CTNNA3: variants seen among roughly 807,000 people sequenced by gnomAD.
The protein encoded by CTNNA3 is catenin alpha-3.
CTNNA3 carries 76 observed loss-of-function variants against 95.7 expected under a neutral mutation model. The observed-to-expected ratio is 0.79, with a 90% CI of 0.66 to 0.96. CTNNA3 has a LOEUF of 0.96. Ranked by LOEUF, CTNNA3 falls within the 40% of genes least tolerant of loss-of-function variation. The pLI, the probability that CTNNA3 is intolerant of heterozygous loss-of-function variation, is 0.00. For missense variants in CTNNA3, 1,191 were observed against 1,089.8 expected, an observed-to-expected ratio of 1.09 and a Z score of -1.31; for synonymous variants, 431 against 374.4, an observed-to-expected ratio of 1.15 and a Z score of -1.74.
chr10:67,046,826 C>T (rs1318715732), intron 7 of CTNNA3, among the ~76,000 whole-genome samples: 3 of 152,120 alleles, frequency 2.0e-5, no homozygotes, highest in Non-Finnish European at 2.9e-5. Context: ...ATAATCGAAG[C>T]TTTCAACAGG....
At chr10:67,027,480 G>C (rs1309643191) in intron 7 of CTNNA3, among the ~76,000 whole-genome samples, 3 of 143,154 alleles carry the variant, frequency 2.1e-5, no homozygotes, top group Admixed American at 7.4e-5. Flanking sequence ...TGTCACCCAG[G>C]CTGGAGTGCA....
In CTNNA3 at chr10:67,675,886, T is replaced by C. The variant is rs73271914; in HGVS notation, c.-6+20114A>G. On this transcript the variant is annotated intron_variant, in intron 1 of 17. Coordinates refer to ENST00000433211, the MANE Select transcript of CTNNA3 (RefSeq NM_013266.4). ...TTTTGCATTAATGTAATAATTTCAG[T>C]TTTTTACTTTATGGCTATGTTTTGG... Among the ~76,000 whole-genome samples, 462 of 152,258 alleles carry C rather than the reference T, an allele frequency of 3.0e-3. 1 individual carries two copies. Among genetic ancestry groups the C allele is most frequent in the African/African-American group, 8.3e-3 (345 of 41,568 alleles).
chr10:66,001,157 A>AT lies in CTNNA3; in HGVS notation c.2160-12361dup, dbSNP rs1273001052. Among the ~76,000 whole-genome samples, 1,111 of 152,134 alleles carry AT rather than the reference A, an allele frequency of 7.3e-3. 19 individuals carry two copies. Among genetic ancestry groups the AT allele is most frequent in the African/African-American group, 0.025 (1,058 of 41,502 alleles). On this transcript the variant is annotated intron_variant, in intron 15 of 17. Transcript: ENST00000433211. ...TATATATATATACTACATTGCATAG[A>AT]TTTCGGGGGTCATGACAAGTGATTG...
At position 66,691,096 on chromosome 10, in the gene CTNNA3, A is replaced by G. The variant is rs371264575; in HGVS notation, c.1282-69312T>C. On this transcript the variant is annotated intron_variant, in intron 9 of 17. Coordinates refer to ENST00000433211, the MANE Select transcript of CTNNA3 (RefSeq NM_013266.4). ...CAGGTTCATCTCACTAGGGAGTGCC[A>G]GACAGTGGACGCAGGACAGTGGGTG... 2.6e-5 allele frequency among the ~76,000 whole-genome samples: 4 copies of G among 152,278 alleles called. No individual in the cohort carries two copies. In the East Asian group the frequency reaches 5.8e-4, roughly 22 times the overall value.
chr10:67,417,720 T>C (rs996194704), intron 5 of CTNNA3, among the ~76,000 whole-genome samples: 1 of 152,168 alleles, frequency 6.6e-6, no homozygotes, highest in Non-Finnish European at 1.5e-5. Flanking sequence ...TAAATCCAGT[T>C]TGGATTGGGT....
intron 10 of CTNNA3, among the ~76,000 whole-genome samples, chr10:66,537,535 G>C (rs1286796932): frequency 4.6e-5 from 7 of 150,588 alleles, no homozygotes; most frequent in African/African-American, 1.7e-4. Context: ...CAAGGAAAGG[G>C]AATTATTTAT....
intron 9 of CTNNA3, among the ~76,000 whole-genome samples, chr10:66,650,728 G>C (rs371476237): frequency 6.6e-6 from 1 of 152,068 alleles, no homozygotes; most frequent in Non-Finnish European, 1.5e-5. Flanking sequence ...TCTTAAAGGC[G>C]GCGCATCTGG....
intron 8 of CTNNA3, among the ~76,000 whole-genome samples, chr10:66,769,996 T>C (rs1389843838): frequency 6.6e-6 from 1 of 152,218 alleles, no homozygotes; most frequent in Admixed American, 6.5e-5. Flanking sequence ...GGTATTAATG[T>C]TGTTTGATCA....
chr10:66,376,432 A>G (rs1276710011), intron 12 of CTNNA3, among the ~76,000 whole-genome samples: 1 of 152,162 alleles, frequency 6.6e-6, no homozygotes, highest in Admixed American at 6.5e-5. Context: ...GAGTTTGTGA[A>G]CAATATAAAT....
intron 7 of CTNNA3, among the ~76,000 whole-genome samples, chr10:66,899,925 A>C (rs1316091212): frequency 6.6e-6 from 1 of 152,192 alleles, no homozygotes; most frequent in East Asian, 1.9e-4. Flanking sequence ...TGGGCAGGGC[A>C]TAGCTCAACA....
chr10:66,325,567 G>A (rs10822809), intron 12 of CTNNA3, among the ~76,000 whole-genome samples: 3 of 151,908 alleles, frequency 2.0e-5, no homozygotes, highest in African/African-American at 7.3e-5. Context: ...CTTAATAATT[G>A]TTTTCAATGA....
At chr10:66,936,825 G>A (rs746049754) in intron 7 of CTNNA3, among the ~76,000 whole-genome samples, 9 of 152,158 alleles carry the variant, frequency 5.9e-5, no homozygotes, top group Admixed American at 1.3e-4. Context: ...CAGAGTGAGA[G>A]CAGGATTACT....
At chr10:66,781,061 C>T (rs1469377371) in intron 7 of CTNNA3, among the ~76,000 whole-genome samples, 3 of 152,016 alleles carry the variant, frequency 2.0e-5, no homozygotes, top group Non-Finnish European at 4.4e-5. Context: ...ATAGGAAGGC[C>T]ATGATGCTCA....
chr10:67,496,266 A>G (rs1043047180), intron 5 of CTNNA3, among the ~76,000 whole-genome samples: 8 of 152,136 alleles, frequency 5.3e-5, no homozygotes, highest in Non-Finnish European at 1.2e-4. Flanking sequence ...TTTATTTTTA[A>G]TAGACTGGCC....
intron 7 of CTNNA3, among the ~76,000 whole-genome samples, chr10:66,971,946 T>C (rs1012441227): frequency 6.6e-6 from 1 of 152,084 alleles, no homozygotes; most frequent in Non-Finnish European, 1.5e-5. Context: ...TTCCATTCTG[T>C]AATATTTGTT....
chr10:67,308,288 G>C (rs910441259), intron 5 of CTNNA3, among the ~76,000 whole-genome samples: 4 of 152,190 alleles, frequency 2.6e-5, no homozygotes, highest in East Asian at 3.9e-4. Context: ...AGGGACCCGG[G>C]GGGGAAGTAA....
At chr10:66,711,681 T>C (rs1245804509) in intron 9 of CTNNA3, among the ~76,000 whole-genome samples, 1 of 152,084 alleles carries the variant, frequency 6.6e-6, no homozygotes, top group Non-Finnish European at 1.5e-5. Flanking sequence ...CCTGAGTAGC[T>C]GGGATTATAG....
intron 11 of CTNNA3, among the ~76,000 whole-genome samples, chr10:66,471,304 A>G (rs1479559271): frequency 2.6e-5 from 4 of 151,784 alleles, no homozygotes; most frequent in Admixed American, 6.6e-5. Flanking sequence ...TAGTATTATT[A>G]TATCTTTCTT....
intron 1 of CTNNA3, among the ~76,000 whole-genome samples, chr10:67,742,722 T>A (rs1415127981): frequency 1.3e-5 from 2 of 150,916 alleles, no homozygotes; most frequent in East Asian, 3.8e-4. Context: ...AGCTGGTTTT[T>A]TGAAAAGATC....
Sources: gnomAD v4.1 joint callset for allele counts (sites outside exome capture counted in the v4.1 genomes callset) on GRCh38, gnomAD v4.1.1 for gene constraint, MANE v1.5 for transcripts, NCBI Gene and HGNC (gene_info 2026-07-23, HGNC 2026-07-21) for gene names.